Variants in SUMF1 observed in about 807,000 individuals in gnomAD.
The protein encoded by SUMF1 is formylglycine-generating enzyme.
A neutral mutation model predicts 47.6 loss-of-function variants in SUMF1; 48 were observed. That is an observed-to-expected ratio of 1.01 (90% CI 0.80 to 1.28). SUMF1 has a LOEUF of 1.28. SUMF1 is among the 50% of genes most tolerant of loss of function. SUMF1 has a pLI of 0.00. For synonymous variants in SUMF1, 230 were observed against 192.1 expected, an observed-to-expected ratio of 1.20 and a Z score of -1.63; for missense variants, 571 against 485.4, an observed-to-expected ratio of 1.18 and a Z score of -1.66.
intron 8 of SUMF1, among the ~76,000 whole-genome samples, chr3:4,228,056 G>A (rs1262669184): frequency 6.6e-6 from 1 of 151,976 alleles, no homozygotes; most frequent in African/African-American, 2.4e-5. Flanking sequence ...AGAGTTTCCT[G>A]CAGGAACTAA....
intron 3 of SUMF1, among the ~76,000 whole-genome samples, chr3:4,446,705 G>T (rs560466925): frequency 6.6e-6 from 1 of 152,184 alleles, no homozygotes; most frequent in Non-Finnish European, 1.5e-5. Flanking sequence ...CTACCAACTT[G>T]CAGGAAATAC....
At chr3:4,209,290 C>G (rs1695727742) in intron 8 of SUMF1, among the ~76,000 whole-genome samples, 1 of 152,064 alleles carries the variant, frequency 6.6e-6, no homozygotes, top group Non-Finnish European at 1.5e-5. Context: ...TCAACCATGC[C>G]ATAATACAAG....
chr3:4,356,337 A>G (rs540737533), downstream of SUMF1, among the ~76,000 whole-genome samples: 4 of 152,364 alleles, frequency 2.6e-5, no homozygotes, highest in African/African-American at 7.2e-5. Context: ...AAACTTAGCC[A>G]TAAGTGCTCA....
chr3:4,317,412 G>T lies in SUMF1; in HGVS notation c.1014+58918C>A. On this transcript the variant is annotated intron_variant and NMD_transcript_variant, in intron 8 of 12. Transcript: ENST00000448413. The stretch of plus-strand genomic sequence containing the variant: ...GAATGTAGAAATGTGGCCTGGCATG[G>T]TGGCTTACAACTGTAATCCCAGCAC... 8.3e-6 allele frequency: 5 copies of T among 602,394 alleles called. No individual in the cohort carries two copies. In the South Asian group the frequency reaches 1.0e-4, roughly 12 times the overall value. The allele number at this position is 602,394 out of a possible 1,614,324, so 37.3% of individuals were successfully genotyped here.
intron 7 of SUMF1, among the ~76,000 whole-genome samples, chr3:4,379,208 A>G (rs529335099): frequency 1.3e-5 from 2 of 152,250 alleles, no homozygotes; most frequent in Non-Finnish European, 2.9e-5. Context: ...AGTGTTCCCA[A>G]AATTAATGCT....
At chr3:4,357,227 C>A (rs1297827608), downstream of SUMF1, among the ~76,000 whole-genome samples, 1 of 151,626 alleles carries the variant, frequency 6.6e-6, no homozygotes, top group Non-Finnish European at 1.5e-5. Context: ...AATAAGCCCA[C>A]ACTAATCCCT....
At chr3:4,080,334 A>G (rs1414297635) in intron 8 of SUMF1, among the ~76,000 whole-genome samples, 1 of 152,144 alleles carries the variant, frequency 6.6e-6, no homozygotes, top group Non-Finnish European at 1.5e-5. Context: ...CACAATGGTC[A>G]TATCAGCGGC....
At chr3:4,316,663 G>C in intron 8 of SUMF1, 1 of 1,551,156 alleles carries the variant, frequency 6.4e-7, no homozygotes, top group Non-Finnish European at 8.7e-7. Flanking sequence ...TTTCTCGATC[G>C]GATTGTGACG....
rs905224521 is a variant in SUMF1 at position 4,361,530 on chromosome 3, C to T, written c.*614G>A. On this transcript the variant is annotated 3_prime_UTR_variant, in exon 9 of 9. Transcript: ENST00000272902. The stretch of plus-strand genomic sequence containing the variant: ...ATAACAACGTAAAAGACACTGATTT[C>T]CTTGGAAAAACAAAGTGCAGTACGA... 4.5e-5 allele frequency: 7 copies of T among 155,858 alleles called. No homozygotes were observed. Among genetic ancestry groups the T allele is most frequent in the African/African-American group, 1.7e-4 (7 of 41,464 alleles). The allele number at this position is 155,858 out of a possible 1,614,324, so 9.7% of individuals were successfully genotyped here. A position where few individuals can be genotyped will look rare whatever the true frequency, so the allele number is the denominator to read the frequency against.
At chr3:4,176,819 G>A (rs1574952851) in intron 8 of SUMF1, among the ~76,000 whole-genome samples, 1 of 152,048 alleles carries the variant, frequency 6.6e-6, no homozygotes, top group Admixed American at 6.6e-5. Context: ...ACACACATAG[G>A]TTCAAAATGA....
chr3:4,321,197 A>T (rs560028441), intron 8 of SUMF1, among the ~76,000 whole-genome samples: 1 of 152,242 alleles, frequency 6.6e-6, no homozygotes, highest in Admixed American at 6.5e-5. Flanking sequence ...ATAGATACAG[A>T]AGGTTACATA....
At chr3:4,291,094 G>A (rs1010739617) in intron 8 of SUMF1, among the ~76,000 whole-genome samples, 1 of 151,882 alleles carries the variant, frequency 6.6e-6, no homozygotes, top group Non-Finnish European at 1.5e-5. Flanking sequence ...GTCTAATGTC[G>A]GGCACATAGT....
intron 8 of SUMF1, among the ~76,000 whole-genome samples, chr3:4,251,266 G>C (rs537998807): frequency 6.6e-6 from 1 of 152,300 alleles, no homozygotes; most frequent in East Asian, 1.9e-4. Flanking sequence ...AAATGAACTA[G>C]AATTAGAAGT....
chr3:4,054,537 G>A (rs143413680), intron 9 of SUMF1, among the ~76,000 whole-genome samples: 57 of 152,152 alleles, frequency 3.7e-4, no homozygotes, highest in African/African-American at 1.2e-3. Context: ...TTTTATTCAG[G>A]TGTATGTTTA....
chr3:4,436,438 G>C (rs1040203539), intron 3 of SUMF1, among the ~76,000 whole-genome samples: 4 of 152,022 alleles, frequency 2.6e-5, no homozygotes, highest in Non-Finnish European at 5.9e-5. Context: ...CATAGATATA[G>C]ATATAAACAA....
At chr3:4,277,816 G>A (rs574422214) in intron 8 of SUMF1, among the ~76,000 whole-genome samples, 1 of 152,082 alleles carries the variant, frequency 6.6e-6, no homozygotes, top group Non-Finnish European at 1.5e-5. Flanking sequence ...AGCCTAGGAA[G>A]AGCTTCCTCT....
rs192470318 is a variant in SUMF1, at chr3:4,115,839, A to C, written c.1015-47094T>G. Reference sequence around the variant, plus strand: ...AACGATATTTAAAAAAACATAAAAAATCTATTTTGTAAACGACTAAATTGG... The same window carrying C: ...AACGATATTTAAAAAAACATAAAAACTCTATTTTGTAAACGACTAAATTGG... On this transcript the variant is annotated intron_variant and NMD_transcript_variant, in intron 8 of 12. Coordinates refer to the SUMF1 transcript ENST00000448413. Among the ~76,000 whole-genome samples, 36 of 152,260 alleles carry C rather than the reference A, an allele frequency of 2.4e-4. No homozygotes were observed. The East Asian group carries it at 6.9e-3, about 29-fold the overall frequency.
intron 9 of SUMF1, among the ~76,000 whole-genome samples, chr3:4,051,723 A>C (rs1478930750): frequency 6.6e-6 from 1 of 152,138 alleles, no homozygotes; most frequent in Non-Finnish European, 1.5e-5. Context: ...AGGCAATAAA[A>C]TATCACCACT....
At chr3:4,139,305 T>C (rs1694017499) in intron 8 of SUMF1, among the ~76,000 whole-genome samples, 1 of 151,874 alleles carries the variant, frequency 6.6e-6, no homozygotes, top group Non-Finnish European at 1.5e-5. Flanking sequence ...AATGAAAAGA[T>C]CAACCAACAC....
Sources: allele counts gnomAD v4.1 joint callset (sites outside exome capture counted in the v4.1 genomes callset), GRCh38; gene constraint gnomAD v4.1.1; transcripts MANE v1.5; gene names NCBI Gene and HGNC (gene_info 2026-07-23, HGNC 2026-07-21).